SCFD2: variants seen among roughly 807,000 people sequenced by gnomAD.
The protein encoded by SCFD2 is sec1 family domain-containing protein 2.
In SCFD2, 54 loss-of-function variants were observed where a neutral mutation model predicts 58.9. That is an observed-to-expected ratio of 0.92 (90% CI 0.74 to 1.15). The LOEUF (loss-of-function observed/expected upper bound fraction) is 1.15, where lower values mean the gene tolerates loss of function less well. Among genes scored for constraint, SCFD2 ranks in the 50% most tolerant of loss-of-function variants. SCFD2 has a pLI of 0.00. For missense variants in SCFD2, 805 were observed against 836.6 expected (o/e 0.96, Z 0.47); for synonymous variants, 321 against 335.9 (o/e 0.96, Z 0.49).
At chr4:52,941,567 T>A (rs1301981156) in intron 5 of SCFD2, among the ~76,000 whole-genome samples, 1 of 152,216 alleles carries the variant, frequency 6.6e-6, no homozygotes, top group Non-Finnish European at 1.5e-5. Context: ...ACTGTCTTCA[T>A]CATTGGACAG....
intron 5 of SCFD2, among the ~76,000 whole-genome samples, chr4:53,142,127 T>G (rs1282469772): frequency 6.6e-6 from 1 of 152,184 alleles, no homozygotes; most frequent in Non-Finnish European, 1.5e-5. Flanking sequence ...TCTTAAACCA[T>G]ACTTAATTTC....
rs543807468 is a variant in SCFD2 at position 53,246,895 on chromosome 4, A to C, written c.1311+26931T>G. 2.0e-5 allele frequency among the ~76,000 whole-genome samples: 3 copies of C among 148,790 alleles called. No individual in the cohort carries two copies. In the East Asian group the frequency reaches 6.2e-4, roughly 31 times the overall value. On this transcript the variant is annotated intron_variant, in intron 4 of 8. Coordinates refer to ENST00000401642, the MANE Select transcript of SCFD2 (RefSeq NM_152540.4). ...CTCTGCACAGTAAAAGAAGCTATCA[A>C]CAGAGCAAACATACAGCCTACAGAA...
At chr4:53,116,210 T>C (rs1264015181) in intron 5 of SCFD2, among the ~76,000 whole-genome samples, 1 of 151,874 alleles carries the variant, frequency 6.6e-6, no homozygotes, top group Non-Finnish European at 1.5e-5. Context: ...GAAAGGATTA[T>C]GTTATAATAA....
intron 4 of SCFD2, among the ~76,000 whole-genome samples, chr4:53,248,576 G>C (rs549238666): frequency 3.3e-5 from 5 of 152,340 alleles, no homozygotes; most frequent in East Asian, 3.9e-4. Context: ...CTGGAGATCT[G>C]AGAATGGGCA....
rs577522303 is a variant in SCFD2 at position 53,213,967 on chromosome 4, C to T, written c.1311+59859G>A. ...GATGGTTTCCAGCTTCATCCCTGTCCCTACAAAGGACATGAACTCATCCTT... is the reference window on the plus strand; with the variant it reads ...GATGGTTTCCAGCTTCATCCCTGTCTCTACAAAGGACATGAACTCATCCTT... On this transcript the variant is annotated intron_variant, in intron 4 of 8. Transcript: ENST00000401642. 1.0e-3 allele frequency among the ~76,000 whole-genome samples: 153 copies of T among 152,148 alleles called. 1 individual carries two copies. The highest frequency in any genetic ancestry group is 3.5e-3 in the African/African-American group (145 of 41,468).
chr4:53,090,556 C>T (rs1228076702), intron 5 of SCFD2, among the ~76,000 whole-genome samples: 1 of 152,144 alleles, frequency 6.6e-6, no homozygotes, highest in African/African-American at 2.4e-5. Context: ...GGAAAGAAAT[C>T]AGCTTGAAAA....
At chr4:53,333,239 A>C (rs1277368234) in intron 2 of SCFD2, among the ~76,000 whole-genome samples, 1 of 147,672 alleles carries the variant, frequency 6.8e-6, no homozygotes, top group African/African-American at 2.5e-5. Flanking sequence ...ACAGAATTGG[A>C]AAAAACTACT....
chr4:53,349,374 G>A (rs1181688803), intron 2 of SCFD2, among the ~76,000 whole-genome samples: 1 of 152,218 alleles, frequency 6.6e-6, no homozygotes, highest in Non-Finnish European at 1.5e-5. Flanking sequence ...GTGCATCAAG[G>A]AGCTTATAGC....
chr4:52,956,031 TTTG>T, intron 5 of SCFD2: 1 of 456,608 alleles, frequency 2.2e-6, no homozygotes, highest in Non-Finnish European at 4.4e-6. Flanking sequence ...GGACTTCAGA[TTTG>T]TTGGTGAAGA....
intron 4 of SCFD2, among the ~76,000 whole-genome samples, chr4:53,177,544 G>C (rs1360853989): frequency 6.6e-6 from 1 of 152,218 alleles, no homozygotes; most frequent in African/African-American, 2.4e-5. Context: ...GAGCCAAGAT[G>C]GTCGAATAGG....
intron 4 of SCFD2, among the ~76,000 whole-genome samples, chr4:53,243,952 A>G (rs1325727302): frequency 2.6e-5 from 4 of 152,192 alleles, no homozygotes; most frequent in Non-Finnish European, 2.9e-5. Context: ...GACATAACAG[A>G]CTTTAAACCA....
intron 5 of SCFD2, chr4:52,956,859 C>T (rs1281059222): frequency 6.6e-6 from 1 of 152,530 alleles, no homozygotes; most frequent in African/African-American, 2.4e-5. Context: ...CCTGGGCCCC[C>T]AAGCCTCTGC....
chr4:53,341,238 T>G (rs567057641), intron 2 of SCFD2, among the ~76,000 whole-genome samples: 2 of 152,196 alleles, frequency 1.3e-5, no homozygotes, highest in East Asian at 3.9e-4. Context: ...CTAACTAGAA[T>G]AACCAGTGTA....
At chr4:52,964,394 A>G (rs975074525) in intron 5 of SCFD2, among the ~76,000 whole-genome samples, 1 of 152,196 alleles carries the variant, frequency 6.6e-6, no homozygotes, top group African/African-American at 2.4e-5. Context: ...TAATTGCTTT[A>G]GCCAACAGGT....
intron 5 of SCFD2, among the ~76,000 whole-genome samples, chr4:52,998,388 A>G (rs1329303825): frequency 6.6e-6 from 1 of 152,238 alleles, no homozygotes; most frequent in African/African-American, 2.4e-5. Flanking sequence ...AAGAAGAATG[A>G]GTGCTTTGCA....
chr4:52,876,088 C>T (rs971031002), intron 8 of SCFD2, among the ~76,000 whole-genome samples: 2 of 151,876 alleles, frequency 1.3e-5, no homozygotes, highest in African/African-American at 4.8e-5. Context: ...AGCCTGGCGG[C>T]TTCCAGGCGA....
At chr4:53,287,458 C>A (rs1731705672) in intron 3 of SCFD2, among the ~76,000 whole-genome samples, 1 of 152,210 alleles carries the variant, frequency 6.6e-6, no homozygotes, top group Non-Finnish European at 1.5e-5. Context: ...GCCTAGGCCA[C>A]TGACACACCT....
intron 3 of SCFD2, among the ~76,000 whole-genome samples, chr4:53,290,894 G>A (rs760022326): frequency 1.6e-4 from 25 of 151,952 alleles, no homozygotes; most frequent in Non-Finnish European, 3.7e-4. Context: ...TAGTAAAATT[G>A]AATAATAAGC....
chr4:53,222,604 T>C (rs1729080942), intron 4 of SCFD2, among the ~76,000 whole-genome samples: 1 of 140,658 alleles, frequency 7.1e-6, no homozygotes, highest in South Asian at 2.5e-4. Flanking sequence ...TTCATTGCAA[T>C]TGGAAGAACT....
Sources: allele counts gnomAD v4.1 joint callset (sites outside exome capture counted in the v4.1 genomes callset), GRCh38; gene constraint gnomAD v4.1.1; transcripts MANE v1.5; gene names NCBI Gene and HGNC (gene_info 2026-07-23, HGNC 2026-07-21).